MESD: variants seen among roughly 807,000 people sequenced by gnomAD.
MESD encodes the protein LRP chaperone MESD.
A neutral mutation model predicts 12.9 loss-of-function variants in MESD; 7 were observed. The ratio of observed to expected loss-of-function variants is 0.54; its 90% confidence interval spans 0.31 to 1.02. MESD has a LOEUF of 1.02. MESD is among the 50% of genes least tolerant of loss of function. The pLI is 0.05. For synonymous variants in MESD, 126 were observed against 115.6 expected, an observed-to-expected ratio of 1.09 and a Z score of -0.58; for missense variants, 342 against 296.7, an observed-to-expected ratio of 1.15 and a Z score of -1.12.
At position 80,978,992 on chromosome 15, in the gene MESD, C is replaced by T; in HGVS notation, c.*227G>A. 1.7e-6 allele frequency: 1 copy of T among 576,434 alleles called. No homozygotes were observed. The highest frequency in any genetic ancestry group is 2.9e-5 in the East Asian group (1 of 34,092). 35.7% of individuals were successfully genotyped at this position (576,434 alleles called of 1,614,324 possible). Reference sequence around the variant, plus strand: ...CCATGTAAGGAGATTTTATAGTAAACATGAATTTGTCAGTGTCCAGTATTA... The same window carrying T: ...CCATGTAAGGAGATTTTATAGTAAATATGAATTTGTCAGTGTCCAGTATTA... On this transcript the variant is annotated 3_prime_UTR_variant, in exon 3 of 3. Coordinates refer to ENST00000261758, the MANE Select transcript of MESD (RefSeq NM_015154.3).
intron 3 of MESD, among the ~76,000 whole-genome samples, chr15:80,961,524 G>A (rs2141790659): frequency 6.6e-6 from 1 of 152,216 alleles, no homozygotes; most frequent in Non-Finnish European, 1.5e-5. Flanking sequence ...AGAATAATTT[G>A]GTGCAAATTT....
At chr15:80,972,445 T>C (rs1482241083), downstream of MESD, among the ~76,000 whole-genome samples, 1 of 152,074 alleles carries the variant, frequency 6.6e-6, no homozygotes, top group Admixed American at 6.5e-5. Flanking sequence ...CCACCTCTGG[T>C]CCAAAAGACC....
At chr15:80,970,568 A>G (rs1176269769) in intron 3 of MESD, 3 of 152,192 alleles carry the variant, frequency 2.0e-5, no homozygotes, top group Non-Finnish European at 4.4e-5. Flanking sequence ...CTTCATCATA[A>G]TTATCGTTGT....
At chr15:80,983,894 C>CTTTTTTTTTTTTTTTTTTTTTTTTT (rs10570822) in intron 1 of MESD, among the ~76,000 whole-genome samples, 1 of 88,468 alleles carries the variant, frequency 1.1e-5, no homozygotes. Context: ...AAAACAGTAA[C>CTTTTTTTTTTTTTTTTTTTTTTTTT]TTTTTTTTTT....
chr15:80,988,726 G>A (rs1902803057), intron 1 of MESD, among the ~76,000 whole-genome samples: 1 of 152,126 alleles, frequency 6.6e-6, no homozygotes, highest in South Asian at 2.1e-4. Flanking sequence ...GGAATCTTAG[G>A]ACCCATCCTA....
intron 3 of MESD, among the ~76,000 whole-genome samples, chr15:80,963,098 G>T (rs186859141): frequency 2.0e-3 from 298 of 152,146 alleles, no homozygotes; most frequent in African/African-American, 6.1e-3. Flanking sequence ...GACTAATAAA[G>T]AAAAGAGAGA....
chr15:80,971,225 C>T (rs1042217699), downstream of MESD, among the ~76,000 whole-genome samples: 6 of 152,196 alleles, frequency 3.9e-5, no homozygotes, highest in African/African-American at 1.4e-4. Flanking sequence ...AAGCCCTGGC[C>T]TCACCCTACC....
intron 3 of MESD, among the ~76,000 whole-genome samples, chr15:80,952,592 G>A (rs752262767): frequency 6.6e-6 from 1 of 151,846 alleles, no homozygotes; most frequent in Non-Finnish European, 1.5e-5. Flanking sequence ...TATGCATTGG[G>A]TTTAAAAACA....
exon 5 of MESD, chr15:80,948,226 C>T (rs555597109): frequency 2.7e-4 from 48 of 177,376 alleles, no homozygotes; most frequent in Middle Eastern, 2.8e-3. Flanking sequence ...CCATGCCCCT[C>T]GGATGCTCAA....
At chr15:80,957,378 G>A (rs1902007609) in intron 3 of MESD, among the ~76,000 whole-genome samples, 1 of 152,170 alleles carries the variant, frequency 6.6e-6, no homozygotes, top group Non-Finnish European at 1.5e-5. Flanking sequence ...AGCAGTAACA[G>A]TATGTAACCA....
chr15:80,956,452 A>G (rs1364197174), intron 3 of MESD, among the ~76,000 whole-genome samples: 1 of 152,222 alleles, frequency 6.6e-6, no homozygotes, highest in East Asian at 1.9e-4. Context: ...TGGTGAGAGC[A>G]AAAGAAAACA....
intron 3 of MESD, among the ~76,000 whole-genome samples, chr15:80,961,722 G>A (rs1250904306): frequency 1.3e-5 from 2 of 152,194 alleles, no homozygotes; most frequent in East Asian, 3.9e-4. Context: ...GTAGTCAACA[G>A]TCAGATATTG....
At chr15:80,974,081 A>G (rs866943389), downstream of MESD, among the ~76,000 whole-genome samples, 2 of 152,154 alleles carry the variant, frequency 1.3e-5, no homozygotes, top group Admixed American at 6.5e-5. Flanking sequence ...ACTGGGGAGA[A>G]GAACCCTAGT....
downstream of MESD, among the ~76,000 whole-genome samples, chr15:80,971,662 T>C (rs959055641): frequency 6.6e-6 from 1 of 152,162 alleles, no homozygotes; most frequent in African/African-American, 2.4e-5. Flanking sequence ...GGTCTCACTC[T>C]GTCCCCCAGG....
chr15:80,972,995 C>T (rs973118242), downstream of MESD, among the ~76,000 whole-genome samples: 1 of 152,088 alleles, frequency 6.6e-6, no homozygotes, highest in African/African-American at 2.4e-5. Flanking sequence ...GCACTCCAGT[C>T]TGGGCAACAG....
chr15:80,949,278 T>G, intron 4 of MESD: 1 of 375,842 alleles, frequency 2.7e-6, no homozygotes, highest in South Asian at 2.2e-5. Context: ...GCAGGAGCCC[T>G]GACCCAGCTA....
chr15:80,961,250 C>T (rs932212700), intron 3 of MESD, among the ~76,000 whole-genome samples: 2 of 149,300 alleles, frequency 1.3e-5, no homozygotes, highest in African/African-American at 2.5e-5. Flanking sequence ...ATATGAGAGG[C>T]TCTTACAAAG....
At chr15:80,970,361 T>C (rs1902259137) in intron 3 of MESD, 1 of 152,184 alleles carries the variant, frequency 6.6e-6, no homozygotes. Context: ...GTGGAGAGAA[T>C]GAACAATTCT....
At chr15:80,961,438 A>C (rs1902086910) in intron 3 of MESD, among the ~76,000 whole-genome samples, 1 of 152,210 alleles carries the variant, frequency 6.6e-6, no homozygotes, top group South Asian at 2.1e-4. Flanking sequence ...GCTATTATCC[A>C]CCTAGTAAAC....
Sources: gnomAD v4.1 joint callset for allele counts (sites outside exome capture counted in the v4.1 genomes callset) on GRCh38, gnomAD v4.1.1 for gene constraint, MANE v1.5 for transcripts, NCBI Gene and HGNC (gene_info 2026-07-23, HGNC 2026-07-21) for gene names.